SLC12A7: variants seen among roughly 807,000 people sequenced by gnomAD.
The protein encoded by SLC12A7 is K-Cl cotransporter 4.
A neutral mutation model predicts 120.6 loss-of-function variants in SLC12A7; 100 were observed. The ratio of observed to expected loss-of-function variants is 0.83; its 90% CI spans 0.71 to 0.98. The LOEUF (loss-of-function observed/expected upper bound fraction) is 0.98. Ranked by LOEUF, SLC12A7 falls within the 50% of genes least tolerant of loss-of-function variation. The probability of loss-of-function intolerance (pLI) is 0.00; values close to 1 mark genes in which losing one functional copy is unlikely to be tolerated. For missense variants in SLC12A7, 1,373 were observed against 1,548.1 expected, an observed-to-expected ratio of 0.89 and a Z score of 1.90; for synonymous variants, 760 against 678.0, an observed-to-expected ratio of 1.12 and a Z score of -1.88.
the SLC12A7 span, among the ~76,000 whole-genome samples, chr5:1,142,359 C>T: frequency 5.2e-4 from 54 of 104,500 alleles, 1 homozygote; most frequent in African/African-American, 2.1e-3. Context: ...TCCCTCTCCC[C>T]TCTCCCCTCC....
the SLC12A7 span, among the ~76,000 whole-genome samples, chr5:1,141,918 G>A: frequency 3.3e-5 from 5 of 152,316 alleles, no homozygotes; most frequent in Admixed American, 2.6e-4. Flanking sequence ...GGGTGCTGCT[G>A]GCAGGATCAG....
At chr5:1,075,638 A>T in intron 14 of SLC12A7, 148 bp from the exon 15 acceptor site, 1 of 1,275,412 alleles carries the variant, frequency 7.8e-7, no homozygotes, top group Non-Finnish European at 1.1e-6. Context: ...CCATGGCTGT[A>T]CTCAACCACC....
At chr5:1,055,803 A>G (rs1041913714) in intron 22 of SLC12A7, among the ~76,000 whole-genome samples, 3 of 152,210 alleles carry the variant, frequency 2.0e-5, no homozygotes, top group African/African-American at 7.2e-5. Context: ...GCACTTTCAG[A>G]TTTACAGAAC....
intron 8 of SLC12A7, among the ~76,000 whole-genome samples, chr5:1,082,280 C>A (rs56385895): frequency 8.7e-6 from 1 of 114,470 alleles, no homozygotes; most frequent in Non-Finnish European, 2.1e-5. Flanking sequence ...CCGGGCTTCC[C>A]CGTCTCGGGT....
In SLC12A7 at chr5:1,073,665, C is replaced by T. The variant is rs1261278563; in HGVS notation, c.2209G>A (p.Asp737Asn). 2 of 1,603,696 alleles carry T rather than the reference C, an allele frequency of 1.2e-6. No homozygotes were observed. The highest frequency in any genetic ancestry group is 2.3e-5 in the East Asian group (1 of 43,720). Residue 737 changes from aspartate (D) to asparagine (N), a missense_variant, in exon 17 of 24, where the codon GAC (aspartate) becomes AAC (asparagine). Transcript: ENST00000264930. ...VGSVLEGTYL[D>N]KHMEAQRAEE... ...GCCCGCTGAGCCTCCATGTGCTTGT[C>T]CAGGTACGTCCCCTCCAGCACCGAG... is the stretch of plus-strand genomic sequence containing the variant.
Position 1,073,713 on chromosome 5 carries a change from C to T in SLC12A7, c.2161G>A (p.Gly721Ser), listed in dbSNP as rs1011125863. 23 of 1,580,482 alleles carry T rather than the reference C, an allele frequency of 1.5e-5. No individual in the cohort carries two copies. The highest frequency in any genetic ancestry group is 1.7e-4 in the Middle Eastern group (1 of 5,946). Reference protein sequence around the residue: ...LLSFTSQLKAGKGLTIVGSVL... With the variant: ...LLSFTSQLKASKGLTIVGSVL... Reference sequence around the variant, plus strand: ...GAGCCCACGATGGTCAGGCCCTTGCCGGCCTTCAGCTGCGACGTGAAGGAC... The same window carrying T: ...GAGCCCACGATGGTCAGGCCCTTGCTGGCCTTCAGCTGCGACGTGAAGGAC... The change falls in exon 17 of 24, where the codon GGC (glycine) becomes AGC (serine). Residue 721 changes from glycine (G) to serine (S), a missense_variant. Gly to Ser is a moderately conservative substitution (Grantham distance 56). Transcript: ENST00000264930.
the SLC12A7 span, among the ~76,000 whole-genome samples, chr5:1,142,329 T>TCC: frequency 2.0e-5 from 1 of 49,068 alleles, no homozygotes; most frequent in African/African-American, 1.5e-4. Context: ...CTCCCCTCTC[T>TCC]CCTCTCCCCT....
intron 1 of SLC12A7, among the ~76,000 whole-genome samples, chr5:1,096,424 T>G (rs1741135853): frequency 6.6e-6 from 1 of 152,044 alleles, no homozygotes; most frequent in Non-Finnish European, 1.5e-5. Flanking sequence ...ACACATACTT[T>G]CAACTAAGAA....
At chr5:1,095,939 G>C (rs1345295046) in intron 1 of SLC12A7, among the ~76,000 whole-genome samples, 1 of 152,224 alleles carries the variant, frequency 6.6e-6, no homozygotes, top group East Asian at 1.9e-4. Context: ...GCACACCACA[G>C]AGAGGCCAGT....
rs986672943 is a variant in SLC12A7 at position 1,050,958 on chromosome 5, AGCCCAAGGCCTG to A, written c.*1390_*1401del. The A allele has an allele frequency of 4.8e-5, 19 of 398,542 alleles. No homozygotes were observed. Among genetic ancestry groups the A allele is most frequent in the Non-Finnish European group, 7.1e-5 (16 of 226,064 alleles). The allele number at this position is 398,542 out of a possible 1,614,324, so 24.7% of individuals were successfully genotyped here. On this transcript the variant is annotated 3_prime_UTR_variant, in exon 24 of 24. Transcript: ENST00000264930. ...TTGGGAGACCATGCAAGCCAGACGT[AGCCCAAGGCCTG>A]GCCATCTGGGGCCTCTAGTATATAG...
the SLC12A7 span, among the ~76,000 whole-genome samples, chr5:1,132,158 C>T: frequency 6.6e-6 from 1 of 152,332 alleles, no homozygotes; most frequent in Admixed American, 6.5e-5. Context: ...TCTGGTTGTC[C>T]TCACTGCTCA....
intron 1 of SLC12A7, among the ~76,000 whole-genome samples, chr5:1,100,347 A>G (rs1411722661): frequency 6.6e-6 from 1 of 152,162 alleles, no homozygotes; most frequent in Non-Finnish European, 1.5e-5. Context: ...AAAGAAGCCC[A>G]TGTAAAGGCC....
At position 1,057,542 on chromosome 5, in the gene SLC12A7, C is replaced by CTTCT; in HGVS notation, c.2951_2954dup (p.Leu986GlufsTer5). 1 of 1,613,358 alleles carries CTTCT rather than the reference C, an allele frequency of 6.2e-7. No homozygotes were observed. On this transcript the variant is annotated frameshift_variant, in exon 22 of 24. Coordinates refer to ENST00000264930, the MANE Select transcript of SLC12A7 (RefSeq NM_006598.3). LOFTEE classifies it high-confidence loss of function. ...TGCTCCTGTACTTCTCAGCGATCAG[C>CTTCT]TTCTCCCTGGTCCAGGTCATCTGCA...
chr5:1,090,943 G>A (rs368220620), intron 3 of SLC12A7, among the ~76,000 whole-genome samples: 46 of 152,318 alleles, frequency 3.0e-4, no homozygotes, highest in African/African-American at 1.1e-3. Context: ...GAGCCTCTGA[G>A]CCTGGCAAAG....
chr5:1,102,484 T>A (rs1456993647), intron 1 of SLC12A7, among the ~76,000 whole-genome samples: 1 of 152,152 alleles, frequency 6.6e-6, no homozygotes, highest in African/African-American at 2.4e-5. Context: ...AGGAACGTCC[T>A]CTTAGACTCA....
At chr5:1,074,746 T>TG in intron 15 of SLC12A7, 75 bp from the exon 16 acceptor site, 1 of 1,390,048 alleles carries the variant, frequency 7.2e-7, no homozygotes, top group Non-Finnish European at 1.0e-6. Flanking sequence ...AGGGGACTTC[T>TG]GGGGGCAGGT....
At chr5:1,066,513 G>A (rs573764271) in intron 17 of SLC12A7, among the ~76,000 whole-genome samples, 29 of 152,324 alleles carry the variant, frequency 1.9e-4, no homozygotes, top group Non-Finnish European at 2.8e-4. Context: ...CTCAATTGCA[G>A]TGGGTTGAAT....
intron 1 of SLC12A7, 151 bp downstream of exon 1, chr5:1,111,717 C>T (rs1743023308): frequency 1.2e-6 from 1 of 824,826 alleles, no homozygotes; most frequent in South Asian, 6.1e-5. Context: ...GGTGGGGGCC[C>T]TCGTGGGGGA....
In SLC12A7 at chr5:1,083,662, C is replaced by T. The variant is rs1367245702; in HGVS notation, c.1129+83G>A. ...GGAGGAATTGGGGCCCTGAGAGTGA[C>T]TCTAAGGCGAGAGCAGCCACCAGGG... On this transcript the variant is annotated intron_variant, in intron 8 of 23. Coordinates refer to ENST00000264930, the MANE Select transcript of SLC12A7 (RefSeq NM_006598.3). 1.9e-5 allele frequency: 27 copies of T among 1,422,014 alleles called. No individual in the cohort carries two copies. The Admixed American group carries it at 4.7e-4, about 25-fold the overall frequency. The allele number at this position is 1,422,014 out of a possible 1,614,324, so 88.1% of individuals were successfully genotyped here.
Sources: allele counts gnomAD v4.1 joint callset (sites outside exome capture counted in the v4.1 genomes callset), GRCh38; gene constraint gnomAD v4.1.1; transcripts MANE v1.5; gene names NCBI Gene and HGNC (gene_info 2026-07-23, HGNC 2026-07-21).